NSUN2: variants seen among roughly 807,000 people sequenced by gnomAD.
NSUN2 encodes the protein NOP2/Sun RNA methyltransferase 2, also known as RNA cytosine C(5)-methyltransferase NSUN2.
In NSUN2, 63 loss-of-function variants were observed where a neutral mutation model predicts 92.7. That is an observed-to-expected ratio of 0.68 (90% CI 0.56 to 0.84). The LOEUF is 0.84. Among genes scored for constraint, NSUN2 ranks in the 40% least tolerant of loss-of-function variants. NSUN2 has a pLI of 0.00. For synonymous variants in NSUN2, 356 were observed against 348.3 expected (o/e 1.02, Z -0.25); for missense variants, 989 against 964.9 (o/e 1.02, Z -0.33).
intron 17 of NSUN2, chr5:6,603,905 C>G: frequency 2.2e-6 from 1 of 453,706 alleles, no homozygotes; most frequent in Non-Finnish European, 4.0e-6. Context: ...GGCTGCTGGG[C>G]AGCAGCAGGG....
intron 3 of NSUN2, 137 bp downstream of exon 3, chr5:6,631,736 C>G (rs951580481): frequency 1.5e-6 from 1 of 648,466 alleles, no homozygotes; most frequent in Non-Finnish European, 2.7e-6. Context: ...ATAAAAGCAC[C>G]AGGTACTAGA....
In NSUN2 at chr5:6,599,840, G is replaced by T; in HGVS notation, c.*86C>A. 8.5e-7 allele frequency: 1 copy of T among 1,182,888 alleles called. No homozygotes were observed. Among genetic ancestry groups the T allele is most frequent in the Non-Finnish European group, 1.2e-6 (1 of 821,332 alleles). 73.3% of individuals were successfully genotyped at this position (1,182,888 alleles called of 1,614,324 possible). A position where few individuals can be genotyped will look rare whatever the true frequency, so the allele number is the denominator to read the frequency against. ...ATATATGCTTTACAGGCCACAGGCT[G>T]CTCTGGATTTGGTTTCAGACACCAG... On this transcript the variant is annotated 3_prime_UTR_variant, in exon 19 of 19. Coordinates refer to ENST00000264670, the MANE Select transcript of NSUN2 (RefSeq NM_017755.6).
At chr5:6,608,321 T>C (rs906272506) in intron 12 of NSUN2, among the ~76,000 whole-genome samples, 2 of 152,212 alleles carry the variant, frequency 1.3e-5, no homozygotes, top group Non-Finnish European at 2.9e-5. Context: ...CTGTTCTACC[T>C]CAACAACCTC....
At chr5:6,605,527 G>T in intron 14 of NSUN2, 119 bp from the exon 15 acceptor site, 3 of 1,013,464 alleles carry the variant, frequency 3.0e-6, no homozygotes, top group Non-Finnish European at 4.4e-6. Context: ...TGGTTCAAGG[G>T]CACTGGGCTC....
At chr5:6,604,364 G>A (rs968209052) in intron 16 of NSUN2, 88 bp from the exon 17 acceptor site, 20 of 1,263,444 alleles carry the variant, frequency 1.6e-5, no homozygotes, top group South Asian at 7.0e-5. Context: ...TGCTCTTAGC[G>A]GCTATGGTGG....
At chr5:6,602,732 T>G (rs758902873) in intron 17 of NSUN2, among the ~76,000 whole-genome samples, 4 of 152,186 alleles carry the variant, frequency 2.6e-5, no homozygotes, top group Admixed American at 1.3e-4. Flanking sequence ...CAAAAGCCAT[T>G]CAGGGACTTC....
intron 12 of NSUN2, among the ~76,000 whole-genome samples, chr5:6,607,977 T>C (rs998588795): frequency 2.0e-5 from 3 of 152,048 alleles, no homozygotes; most frequent in African/African-American, 4.8e-5. Flanking sequence ...CTTTAAAAAA[T>C]ACATGTCCTT....
chr5:6,608,395 C>G (rs1736865795), intron 12 of NSUN2, among the ~76,000 whole-genome samples: 1 of 152,206 alleles, frequency 6.6e-6, no homozygotes, highest in Non-Finnish European at 1.5e-5. Flanking sequence ...TAGCCAAGTG[C>G]TTACAGGCCT....
intron 9 of NSUN2, among the ~76,000 whole-genome samples, chr5:6,614,177 T>C (rs897123425): frequency 7.0e-6 from 1 of 143,504 alleles, no homozygotes; most frequent in African/African-American, 2.6e-5. Flanking sequence ...ACAAATTTGG[T>C]GAAGTCTGAA....
chr5:6,632,919 C>G lies in NSUN2; in HGVS notation c.61G>C (p.Asp21His). The G allele has an allele frequency of 6.6e-7, 1 of 1,517,926 alleles. No homozygotes were observed. The highest frequency in any genetic ancestry group is 1.4e-5 in the African/African-American group (1 of 70,714). 94.0% of individuals were successfully genotyped at this position (1,517,926 alleles called of 1,614,324 possible). A position where few individuals can be genotyped will look rare whatever the true frequency, so the allele number is the denominator to read the frequency against. The stretch of plus-strand genomic sequence containing the variant: ...CGCTTTCCACCACCCTCGGCGCCAT[C>G]CTCCGCGTCCTCCGGCCGCTGCTGT... Reference protein sequence around the residue: ...QQQQRPEDAEDGAEGGGKRGE... With the variant: ...QQQQRPEDAEHGAEGGGKRGE... Residue 21 changes from aspartate (D) to histidine (H), a missense_variant, in exon 1 of 19, where the codon GAT becomes CAT. By Grantham distance (81) the Asp-to-His change is moderately conservative (BLOSUM62 -1). Around this residue, in one of 3 missense-constraint regions of NSUN2, gnomAD observed 356 missense variants for 338.6 expected, o/e 1.05. Transcript: ENST00000264670.
At chr5:6,625,496 CAG>C in intron 4 of NSUN2, 66 bp downstream of exon 4, 1 of 1,196,328 alleles carries the variant, frequency 8.4e-7, no homozygotes, top group Non-Finnish European at 1.2e-6. Flanking sequence ...AACCTAAAAA[CAG>C]AACTACACTA....
intron 9 of NSUN2, among the ~76,000 whole-genome samples, chr5:6,613,083 A>G (rs1737070390): frequency 1.3e-5 from 2 of 152,346 alleles, no homozygotes; most frequent in South Asian, 4.1e-4. Context: ...ACATGCAAAA[A>G]GTTGGCTGTG....
intron 9 of NSUN2, 144 bp from the exon 10 acceptor site, chr5:6,611,942 A>G: frequency 1.5e-6 from 1 of 685,226 alleles, no homozygotes; most frequent in South Asian, 1.9e-5. Context: ...GTCGACAGAA[A>G]GTGGATGAGT....
At chr5:6,603,916 C>T (rs1027901915) in intron 17 of NSUN2, 3 of 478,398 alleles carry the variant, frequency 6.3e-6, no homozygotes, top group Non-Finnish European at 7.5e-6. Context: ...AGCAGCAGGG[C>T]ACCACCAGAG....
intron 18 of NSUN2, among the ~76,000 whole-genome samples, 197 bp from the exon 19 acceptor site, chr5:6,600,429 T>C (rs1018837065): frequency 1.3e-5 from 2 of 152,074 alleles, no homozygotes; most frequent in African/African-American, 4.8e-5. Context: ...ATGTCCTGAG[T>C]AAAATTCTCA....
At chr5:6,610,672 A>T (rs1736949084) in intron 11 of NSUN2, among the ~76,000 whole-genome samples, 1 of 136,976 alleles carries the variant, frequency 7.3e-6, no homozygotes, top group Non-Finnish European at 1.6e-5. Flanking sequence ...TGACAGAGTG[A>T]GACTCTCTCT....
intron 9 of NSUN2, among the ~76,000 whole-genome samples, chr5:6,612,816 A>G (rs1737056404): frequency 1.3e-5 from 2 of 152,238 alleles, no homozygotes; most frequent in Non-Finnish European, 2.9e-5. Context: ...TGAGCAGGGC[A>G]GGCAGCAGGT....
chr5:6,606,028 A>T (rs1016150474), intron 14 of NSUN2, among the ~76,000 whole-genome samples: 1 of 152,188 alleles, frequency 6.6e-6, no homozygotes, highest in African/African-American at 2.4e-5. Flanking sequence ...ACCAGTTATT[A>T]AAAAAGACAG....
At chr5:6,605,532 G>A in intron 14 of NSUN2, 124 bp from the exon 15 acceptor site, 3 of 961,480 alleles carry the variant, frequency 3.1e-6, no homozygotes, top group Non-Finnish European at 4.7e-6. Context: ...CAAGGGCACT[G>A]GGCTCTGCTC....
Sources: allele counts gnomAD v4.1 joint callset (sites outside exome capture counted in the v4.1 genomes callset), GRCh38; gene constraint gnomAD v4.1.1; regional missense constraint gnomAD v4.1.1; transcripts MANE v1.5; gene names NCBI Gene and HGNC (gene_info 2026-07-23, HGNC 2026-07-21).